The following RELN variants were observed in gnomAD, a reference collection of about 807,000 sequenced individuals.
The protein encoded by RELN is reelin.
RELN carries 108 observed loss-of-function variants against 427.6 expected under a neutral mutation model. That is an observed-to-expected ratio of 0.25 (90% confidence interval 0.22 to 0.30). The LOEUF is 0.30. Ranked by LOEUF, RELN falls within the 10% of genes least tolerant of loss-of-function variation. The pLI, the probability that RELN is intolerant of heterozygous loss-of-function variation, is 1.00. For synonymous variants in RELN, 1,524 were observed against 1,513.4 expected (o/e 1.01, Z -0.16); for missense variants, 3,715 against 4,302.8 (o/e 0.86, Z 3.82).
chr7:103,496,495 A>G, intron 56 of RELN, 31 bp downstream of exon 56: 4 of 1,614,082 alleles, frequency 2.5e-6, no homozygotes, highest in Non-Finnish European at 3.4e-6. Context: ...GGCTCACAGG[A>G]AAGAAAATTG....
chr7:103,914,886 C>T (rs572431275), intron 2 of RELN, among the ~76,000 whole-genome samples: 3 of 152,234 alleles, frequency 2.0e-5, no homozygotes, highest in African/African-American at 4.8e-5. Flanking sequence ...TTTCTGAACC[C>T]CCTACTGGGC....
chr7:103,505,894 A>G (rs1433387385), intron 51 of RELN, among the ~76,000 whole-genome samples: 1 of 152,224 alleles, frequency 6.6e-6, no homozygotes, highest in Non-Finnish European at 1.5e-5. Context: ...AGAAGAATAT[A>G]AATGACCTGA....
intron 4 of RELN, among the ~76,000 whole-genome samples, chr7:103,755,198 G>A (rs1423779182): frequency 6.6e-6 from 1 of 152,182 alleles, no homozygotes; most frequent in Non-Finnish European, 1.5e-5. Context: ...GCTCATGCCT[G>A]TAATCCCGGC....
intron 2 of RELN, among the ~76,000 whole-genome samples, chr7:103,895,533 A>G (rs3857816): frequency 0.4 from 60,802 of 151,960 alleles, 13,063 homozygotes; most frequent in East Asian, 0.76. Context: ...AAAGTGGTAC[A>G]TTGAAGTCAG....
At chr7:103,719,870 G>T (rs1790032347) in intron 8 of RELN, among the ~76,000 whole-genome samples, 1 of 152,108 alleles carries the variant, frequency 6.6e-6, no homozygotes, top group Non-Finnish European at 1.5e-5. Flanking sequence ...ATCTTTCACT[G>T]GAATGGAAAA....
chr7:103,779,817 T>C (rs941539021), intron 3 of RELN, among the ~76,000 whole-genome samples: 1 of 152,158 alleles, frequency 6.6e-6, no homozygotes, highest in African/African-American at 2.4e-5. Flanking sequence ...AACCACCACC[T>C]CCCAGGTTCA....
At chr7:103,851,251 C>T (rs1793814182) in intron 2 of RELN, among the ~76,000 whole-genome samples, 1 of 152,148 alleles carries the variant, frequency 6.6e-6, no homozygotes, top group Non-Finnish European at 1.5e-5. Context: ...AACCAAACAT[C>T]GTATGTTTTC....
At chr7:103,648,812 C>G (rs182019546) in intron 16 of RELN, among the ~76,000 whole-genome samples, 2 of 152,006 alleles carry the variant, frequency 1.3e-5, no homozygotes, top group East Asian at 3.9e-4. Context: ...AGAAGACATA[C>G]AAATGACCAA....
At position 103,814,502 on chromosome 7, in the gene RELN, T is replaced by C. The variant is rs112912713; in HGVS notation, c.473+19035A>G. On this transcript the variant is annotated intron_variant, in intron 3 of 64. Transcript: ENST00000428762. ...AAAACCAAGAATATAAGGTCATGGT[T>C]CATATACATCAATAAATCCAAATGA... Among the ~76,000 whole-genome samples, 450 of 152,316 alleles carry C rather than the reference T, an allele frequency of 3.0e-3. 3 individuals carry two copies. The highest frequency in any genetic ancestry group is 0.01 in the African/African-American group (435 of 41,570).
chr7:103,618,445 C>T (rs1187084036), intron 20 of RELN, among the ~76,000 whole-genome samples: 1 of 152,222 alleles, frequency 6.6e-6, no homozygotes, highest in African/African-American at 2.4e-5. Flanking sequence ...TGCATTTTGG[C>T]ATGTATTTAC....
At chr7:103,720,486 C>T (rs1790048561) in intron 8 of RELN, among the ~76,000 whole-genome samples, 1 of 151,992 alleles carries the variant, frequency 6.6e-6, no homozygotes, top group Non-Finnish European at 1.5e-5. Context: ...ATACAGTGAA[C>T]ATTTAACATT....
In RELN at chr7:103,565,293, A is replaced by G. The variant is rs1481206852; in HGVS notation, c.5195T>C (p.Leu1732Pro). Reference sequence around the variant, plus strand: ...CAATTCTCACATGGTGGAGAGTGGAAGGTAGACAGTGATCCGCTTCCAATT... The same window carrying G: ...CAATTCTCACATGGTGGAGAGTGGAGGGTAGACAGTGATCCGCTTCCAATT... ...FQNWKRITVY[L>P]PLSTISPRTR... The change falls in exon 34 of 65, where the codon CTT (leucine) becomes CCT (proline). Residue 1732 changes from leucine (L) to proline (P), a missense_variant. By Grantham distance (98) the Leu-to-Pro change is moderately conservative. Around this residue, in one of 4 missense-constraint regions of RELN, gnomAD observed 2,208 missense variants for 2,361.7 expected, o/e 0.93. Transcript: ENST00000428762. 7 of 1,614,164 alleles carry G rather than the reference A, an allele frequency of 4.3e-6. No homozygotes were observed.
intron 8 of RELN, among the ~76,000 whole-genome samples, chr7:103,703,238 C>A (rs1473646042): frequency 6.6e-6 from 1 of 152,176 alleles, no homozygotes; most frequent in Admixed American, 6.5e-5. Flanking sequence ...GATTACCCTT[C>A]CAAACATACC....
rs575123776 is a variant in RELN at position 103,788,581 on chromosome 7, C to T, written c.474-11954G>A. On this transcript the variant is annotated intron_variant, in intron 3 of 64. Coordinates refer to ENST00000428762, the MANE Select transcript of RELN (RefSeq NM_005045.4). Reference sequence around the variant, plus strand: ...GAGAGCCAAATCATGAGCAAACTCCCGTTCACAATTGCGACAGAGAATAAA... The same window carrying T: ...GAGAGCCAAATCATGAGCAAACTCCTGTTCACAATTGCGACAGAGAATAAA... Among the ~76,000 whole-genome samples, 10 of 152,174 alleles carry T rather than the reference C, an allele frequency of 6.6e-5. No individual in the cohort carries two copies. The East Asian group carries it at 1.2e-3, about 18-fold the overall frequency.
chr7:103,596,584 G>A lies in RELN; in HGVS notation c.3411C>T (p.Gly1137=), dbSNP rs137974322. The A allele has an allele frequency of 1.1e-4, 172 of 1,613,852 alleles. No homozygotes were observed. The highest frequency in any genetic ancestry group is 1.5e-4 in the African/African-American group (11 of 74,912). ...VDFVQFYIQI[G]GESASCNKPD... is the part of the protein sequence containing the mutation. ...GCTTGTTGCATGAAGCACTCTCTCC[G>A]CCTATCTGGATGTAGAACTGGACAA... The change falls in exon 25 of 65, where the codon GGC becomes GGT. Residue 1137 remains glycine, a synonymous_variant. Coordinates refer to ENST00000428762, the MANE Select transcript of RELN (RefSeq NM_005045.4).
At position 103,569,209 on chromosome 7, in the gene RELN, G is replaced by A. The variant is rs1830826777; in HGVS notation, c.4589-2450C>T. ...AGCAGCCTATGGACAGGTCTACAGA[G>A]TGAGAAACTGAAACCTCTTGCCAAC... On this transcript the variant is annotated intron_variant, in intron 31 of 64. Transcript: ENST00000428762. This position sits in a 1 kb window ranked among gnomAD's most constrained non-coding sequence, Gnocchi z 4.0. 2.0e-5 allele frequency among the ~76,000 whole-genome samples: 3 copies of A among 152,232 alleles called. No individual in the cohort carries two copies. The highest frequency in any genetic ancestry group is 7.2e-5 in the African/African-American group (3 of 41,462).
At chr7:103,554,238 G>GGA (rs1554376898) in intron 38 of RELN, among the ~76,000 whole-genome samples, 4 of 146,796 alleles carry the variant, frequency 2.7e-5, no homozygotes, top group African/African-American at 7.5e-5. Context: ...CTTTCTGGGG[G>GGA]AAAAAAAAAA....
At chr7:103,492,749 G>A (rs749532157) in intron 57 of RELN, among the ~76,000 whole-genome samples, 2 of 152,166 alleles carry the variant, frequency 1.3e-5, no homozygotes, top group African/African-American at 2.4e-5. Context: ...GTGCTTCAAA[G>A]GAGATAGTAT....
intron 37 of RELN, among the ~76,000 whole-genome samples, chr7:103,557,667 ATTTCT>A (rs1830555068): frequency 6.6e-6 from 1 of 152,198 alleles, no homozygotes; most frequent in South Asian, 2.1e-4. Context: ...TAAAATTTAA[ATTTCT>A]TTTAGTTAGA....
Sources: allele counts gnomAD v4.1 joint callset (sites outside exome capture counted in the v4.1 genomes callset), GRCh38; gene constraint gnomAD v4.1.1; regional missense constraint gnomAD v4.1.1; non-coding constraint Gnocchi (gnomAD v3.1); transcripts MANE v1.5; gene names NCBI Gene and HGNC (gene_info 2026-07-23, HGNC 2026-07-21).